The following ATP8A2 variants were observed in gnomAD, a reference collection of about 807,000 sequenced individuals.
ATP8A2 encodes ATPase phospholipid transporting 8A2.
A neutral mutation model predicts 165.6 loss-of-function variants in ATP8A2; 100 were observed. That is an observed-to-expected ratio of 0.60 (90% CI 0.51 to 0.71). The LOEUF is 0.71. ATP8A2 is among the 30% of genes least tolerant of loss of function. The probability of loss-of-function intolerance (pLI) is 0.00; values close to 1 mark genes in which losing one functional copy is unlikely to be tolerated. For synonymous variants in ATP8A2, 543 were observed against 548.8 expected, an observed-to-expected ratio of 0.99 and a Z score of 0.15; for missense variants, 1,227 against 1,479.5, an observed-to-expected ratio of 0.83 and a Z score of 2.80.
chr13:25,409,906 T>G (rs1314771460), intron 1 of ATP8A2, among the ~76,000 whole-genome samples: 1 of 151,978 alleles, frequency 6.6e-6, no homozygotes, highest in African/African-American at 2.4e-5. Flanking sequence ...GCACTCACAG[T>G]TATGTGTGCT....
intron 24 of ATP8A2, among the ~76,000 whole-genome samples, chr13:25,678,316 T>C (rs1254078243): frequency 6.6e-6 from 1 of 152,056 alleles, no homozygotes; most frequent in African/African-American, 2.4e-5. Context: ...AGGCAGATAA[T>C]AGGCTGGGGA....
At chr13:25,976,459 C>G (rs1956040237) in intron 35 of ATP8A2, among the ~76,000 whole-genome samples, 1 of 152,038 alleles carries the variant, frequency 6.6e-6, no homozygotes, top group Admixed American at 6.6e-5. Context: ...TGTGGAGAGC[C>G]ACCCAAATGC....
At chr13:25,730,677 G>A (rs1056981957) in intron 25 of ATP8A2, among the ~76,000 whole-genome samples, 1 of 152,070 alleles carries the variant, frequency 6.6e-6, no homozygotes, top group Non-Finnish European at 1.5e-5. Context: ...CATAAAGAAG[G>A]CCAAATGTAG....
At chr13:25,449,207 C>A (rs1357719390) in intron 1 of ATP8A2, among the ~76,000 whole-genome samples, 1 of 152,066 alleles carries the variant, frequency 6.6e-6, no homozygotes, top group Admixed American at 6.5e-5. Context: ...TTAAAGAAAG[C>A]GTCTTTATTT....
chr13:25,418,253 A>G (rs1250653918), intron 1 of ATP8A2, among the ~76,000 whole-genome samples: 1 of 152,038 alleles, frequency 6.6e-6, no homozygotes, highest in Non-Finnish European at 1.5e-5. Context: ...TGCCCTTAAC[A>G]TTTGCATGGA....
rs1280770200 is a variant in ATP8A2, at chr13:25,496,037, TC to T, written c.221+26920del. Among the ~76,000 whole-genome samples the T allele has an allele frequency of 2.6e-5, 4 of 152,240 alleles. No individual in the cohort carries two copies. In the East Asian group the frequency reaches 7.7e-4, roughly 29 times the overall value. On this transcript the variant is annotated intron_variant, in intron 2 of 36. Coordinates refer to ENST00000381655, the MANE Select transcript of ATP8A2 (RefSeq NM_016529.6). ...GGCTGTATGCTCCAACACTAGATGT[TC>T]CCCGTGAAACACCCGAGGGTAACCT... is the stretch of plus-strand genomic sequence containing the variant.
intron 24 of ATP8A2, among the ~76,000 whole-genome samples, chr13:25,628,141 C>T (rs1216315997): frequency 1.3e-5 from 2 of 152,158 alleles, no homozygotes; most frequent in Non-Finnish European, 2.9e-5. Flanking sequence ...ACTGGACACT[C>T]CTAGGCCACC....
At chr13:25,838,710 G>A (rs1281907852) in intron 29 of ATP8A2, among the ~76,000 whole-genome samples, 3 of 151,940 alleles carry the variant, frequency 2.0e-5, no homozygotes, top group Non-Finnish European at 2.9e-5. Context: ...TAATTTCCAG[G>A]GACAACTTGT....
chr13:25,897,165 C>G (rs1353144324), intron 33 of ATP8A2, among the ~76,000 whole-genome samples: 5 of 152,200 alleles, frequency 3.3e-5, no homozygotes, highest in Non-Finnish European at 7.3e-5. Flanking sequence ...TTTGCAGTGG[C>G]TGGTACTGGT....
At chr13:25,704,129 T>C (rs3117867) in intron 25 of ATP8A2, among the ~76,000 whole-genome samples, 112,885 of 152,056 alleles carry the variant, frequency 0.74, 42,221 homozygotes, top group African/African-American at 0.8. Context: ...GAAAGAAAAA[T>C]AAAGAGTCTG....
At chr13:25,914,787 A>G (rs138679605) in intron 33 of ATP8A2, among the ~76,000 whole-genome samples, 120 of 152,286 alleles carry the variant, frequency 7.9e-4, no homozygotes, top group Non-Finnish European at 1.2e-3. Flanking sequence ...GTGCTCCCCC[A>G]TGGGGCTTCT....
intron 33 of ATP8A2, among the ~76,000 whole-genome samples, chr13:25,918,202 A>T (rs1954325183): frequency 6.6e-6 from 1 of 152,252 alleles, no homozygotes; most frequent in Admixed American, 6.5e-5. Flanking sequence ...ATAGGCTTCC[A>T]AAAGCATTCT....
intron 33 of ATP8A2, among the ~76,000 whole-genome samples, chr13:25,943,001 A>T (rs1224482018): frequency 1.3e-5 from 2 of 151,992 alleles, no homozygotes; most frequent in African/African-American, 4.8e-5. Context: ...GAGGTTTTTC[A>T]TGTCCCCGCT....
At chr13:25,674,886 A>ATT (rs1338597822) in intron 24 of ATP8A2, among the ~76,000 whole-genome samples, 7 of 152,248 alleles carry the variant, frequency 4.6e-5, no homozygotes, top group African/African-American at 1.7e-4. Context: ...CCTTCAAAAG[A>ATT]TAATTTTGAG....
chr13:25,427,935 T>C (rs545825365), intron 1 of ATP8A2, among the ~76,000 whole-genome samples: 1 of 152,134 alleles, frequency 6.6e-6, no homozygotes, highest in African/African-American at 2.4e-5. Flanking sequence ...CGGTGGCTCA[T>C]GCCTGTAATC....
chr13:25,931,290 C>T (rs925710870), intron 33 of ATP8A2, among the ~76,000 whole-genome samples: 3 of 152,186 alleles, frequency 2.0e-5, no homozygotes, highest in African/African-American at 4.8e-5. Context: ...AAATGAATTT[C>T]GTGTTTAGAC....
Position 25,559,056 on chromosome 13 carries a change from C to G in ATP8A2, c.1347C>G (p.Thr449=). The G allele has an allele frequency of 6.2e-7, 1 of 1,603,986 alleles. No homozygotes were observed. The highest frequency in any genetic ancestry group is 8.5e-7 in the Non-Finnish European group (1 of 1,172,298). The change falls in exon 14 of 37, where the codon ACC becomes ACG. Residue 449 remains threonine, a synonymous_variant. Coordinates refer to ENST00000381655, the MANE Select transcript of ATP8A2 (RefSeq NM_016529.6). ...NFKKCSIAGV[T]YGHFPELARE... ...AGAAGTGCAGCATTGCCGGAGTAAC[C>G]TATGGGTCAGTGTGTTTATCATTTA...
intron 33 of ATP8A2, among the ~76,000 whole-genome samples, chr13:25,947,028 G>A (rs1469073545): frequency 1.3e-5 from 2 of 152,280 alleles, no homozygotes; most frequent in Non-Finnish European, 2.9e-5. Context: ...GATTACAGGC[G>A]TGAGCCACCG....
intron 33 of ATP8A2, among the ~76,000 whole-genome samples, chr13:25,951,152 T>C (rs1353667007): frequency 6.6e-6 from 1 of 152,152 alleles, no homozygotes; most frequent in Non-Finnish European, 1.5e-5. Flanking sequence ...ACTGGAAACA[T>C]ATGTCCACAC....
Sources: gnomAD v4.1 joint callset for allele counts (sites outside exome capture counted in the v4.1 genomes callset) on GRCh38, gnomAD v4.1.1 for gene constraint, MANE v1.5 for transcripts, NCBI Gene and HGNC (gene_info 2026-07-23, HGNC 2026-07-21) for gene names.